The following FSTL5 variants were observed in gnomAD, a reference collection of about 807,000 sequenced individuals.
The protein encoded by FSTL5 is follistatin-related protein 5.
FSTL5 carries 62 observed loss-of-function variants against 89.1 expected under a neutral mutation model. The observed-to-expected ratio is 0.70, with a 90% CI of 0.57 to 0.86. FSTL5 has a LOEUF of 0.86. Among genes scored for constraint, FSTL5 ranks in the 40% least tolerant of loss-of-function variants. The pLI is 0.00. For missense variants in FSTL5, 1,057 were observed against 1,001.6 expected, an observed-to-expected ratio of 1.06 and a Z score of -0.75; for synonymous variants, 383 against 346.2, an observed-to-expected ratio of 1.11 and a Z score of -1.18.
intron 7 of FSTL5, among the ~76,000 whole-genome samples, chr4:161,619,129 C>T (rs1242396514): frequency 6.6e-6 from 1 of 152,134 alleles, no homozygotes; most frequent in Non-Finnish European, 1.5e-5. Flanking sequence ...GGAAAACTGG[C>T]TAGCCATATG....
At chr4:162,069,562 G>C (rs1276159539) in intron 2 of FSTL5, among the ~76,000 whole-genome samples, 1 of 151,730 alleles carries the variant, frequency 6.6e-6, no homozygotes, top group Non-Finnish European at 1.5e-5. Context: ...ACCGTTTCCA[G>C]CCTCTAATAA....
chr4:161,434,136 T>C (rs766671195), intron 15 of FSTL5, among the ~76,000 whole-genome samples: 1 of 152,102 alleles, frequency 6.6e-6, no homozygotes, highest in Non-Finnish European at 1.5e-5. Flanking sequence ...GGAGTCACAT[T>C]AACTGGCTTC....
At chr4:161,645,268 T>A (rs1736112955) in intron 7 of FSTL5, among the ~76,000 whole-genome samples, 1 of 152,154 alleles carries the variant, frequency 6.6e-6, no homozygotes, top group Non-Finnish European at 1.5e-5. Context: ...ATGATAAAAT[T>A]ATGTTTCTAT....
chr4:162,115,942 T>A (rs1731620334), intron 1 of FSTL5, among the ~76,000 whole-genome samples: 2 of 152,130 alleles, frequency 1.3e-5, no homozygotes, highest in Admixed American at 6.5e-5. Flanking sequence ...CTAAGACCAC[T>A]GAAGCATTGC....
intron 4 of FSTL5, among the ~76,000 whole-genome samples, chr4:161,836,587 T>C (rs576933205): frequency 6.6e-6 from 1 of 152,146 alleles, no homozygotes; most frequent in South Asian, 2.1e-4. Context: ...ATGGAGGCTC[T>C]TGCATGCTCT....
intron 7 of FSTL5, among the ~76,000 whole-genome samples, chr4:161,633,515 T>G (rs1735573447): frequency 6.6e-6 from 1 of 151,640 alleles, no homozygotes; most frequent in African/African-American, 2.4e-5. Context: ...CCCAGCTAAT[T>G]TTTGTATTTT....
chr4:162,118,609 G>A (rs1431030481), intron 1 of FSTL5, among the ~76,000 whole-genome samples: 1 of 152,160 alleles, frequency 6.6e-6, no homozygotes, highest in Non-Finnish European at 1.5e-5. Flanking sequence ...TCTCCATTAA[G>A]CAGCACATTC....
intron 1 of FSTL5, among the ~76,000 whole-genome samples, chr4:162,152,170 A>G (rs1733248841): frequency 6.6e-6 from 1 of 152,220 alleles, no homozygotes; most frequent in Non-Finnish European, 1.5e-5. Context: ...TGGCTAAAAG[A>G]AAATAAACAG....
chr4:161,829,659 G>C (rs1730782297), intron 4 of FSTL5, among the ~76,000 whole-genome samples: 1 of 152,050 alleles, frequency 6.6e-6, no homozygotes, highest in African/African-American at 2.4e-5. Flanking sequence ...ACTATGCCAA[G>C]AGGGACCCTA....
chr4:161,562,440 A>C (rs1578926917), intron 8 of FSTL5, among the ~76,000 whole-genome samples: 1 of 151,968 alleles, frequency 6.6e-6, no homozygotes, highest in Non-Finnish European at 1.5e-5. Context: ...AAAATTAAGT[A>C]TTGAAATTTA....
chr4:162,086,204 C>T (rs1018137187), intron 2 of FSTL5, among the ~76,000 whole-genome samples: 3 of 151,870 alleles, frequency 2.0e-5, no homozygotes, highest in African/African-American at 7.2e-5. Flanking sequence ...ATTTCTGTAA[C>T]CTAGATTAGA....
intron 4 of FSTL5, among the ~76,000 whole-genome samples, chr4:161,787,418 A>G (rs534490275): frequency 6.6e-6 from 1 of 152,266 alleles, no homozygotes; most frequent in East Asian, 1.9e-4. Context: ...GAAGGTCATT[A>G]CGGTTGAATT....
intron 1 of FSTL5, among the ~76,000 whole-genome samples, chr4:162,127,839 T>G (rs1486819514): frequency 6.6e-6 from 1 of 152,110 alleles, no homozygotes; most frequent in Non-Finnish European, 1.5e-5. Context: ...AACCCTTGGG[T>G]GAAGAAAATT....
chr4:161,688,353 T>C (rs1737812729), intron 6 of FSTL5, among the ~76,000 whole-genome samples: 1 of 152,168 alleles, frequency 6.6e-6, no homozygotes, highest in African/African-American at 2.4e-5. Flanking sequence ...AAAGTGCTGG[T>C]ATTACAGGCA....
intron 4 of FSTL5, among the ~76,000 whole-genome samples, chr4:161,839,678 C>T (rs1057154664): frequency 6.6e-6 from 1 of 152,058 alleles, no homozygotes; most frequent in Non-Finnish European, 1.5e-5. Flanking sequence ...AAGTGGTCAA[C>T]ATTTAAAAAG....
At chr4:161,567,163 C>A (rs1007053103) in intron 8 of FSTL5, among the ~76,000 whole-genome samples, 21 of 151,914 alleles carry the variant, frequency 1.4e-4, no homozygotes, top group African/African-American at 4.3e-4. Flanking sequence ...AATTGAACTA[C>A]AATTTAAACA....
chr4:161,685,567 G>A (rs549122033), intron 6 of FSTL5, among the ~76,000 whole-genome samples: 161 of 151,974 alleles, frequency 1.1e-3, no homozygotes, highest in Admixed American at 3.0e-3. Flanking sequence ...CAGCTTGGTC[G>A]CTATTGGTAT....
intron 4 of FSTL5, among the ~76,000 whole-genome samples, chr4:161,787,101 A>T (rs996062698): frequency 1.3e-5 from 2 of 152,144 alleles, no homozygotes; most frequent in Non-Finnish European, 2.9e-5. Flanking sequence ...TTCTACTTTA[A>T]GTGACTGTGA....
chr4:162,020,043 C>T (rs1360093159), intron 3 of FSTL5, among the ~76,000 whole-genome samples: 1 of 151,110 alleles, frequency 6.6e-6, no homozygotes, highest in Non-Finnish European at 1.5e-5. Flanking sequence ...AGGTAATATG[C>T]TAAATAATGT....
Sources: gnomAD v4.1 joint callset for allele counts (sites outside exome capture counted in the v4.1 genomes callset) on GRCh38, gnomAD v4.1.1 for gene constraint, MANE v1.5 for transcripts, NCBI Gene and HGNC (gene_info 2026-07-23, HGNC 2026-07-21) for gene names.